The following CUBN variants were observed in gnomAD, a reference collection of about 807,000 sequenced individuals.
The protein encoded by CUBN is cubilin.
Under a neutral mutation model 405.3 loss-of-function variants are expected in CUBN, and 282 were observed. The observed-to-expected ratio is 0.70, with a 90% CI of 0.63 to 0.77. CUBN has a LOEUF of 0.77. CUBN is among the 30% of genes least tolerant of loss of function. The pLI is 0.00. For synonymous variants in CUBN, 1,684 were observed against 1,617.0 expected, an observed-to-expected ratio of 1.04 and a Z score of -0.99; for missense variants, 4,514 against 4,475.2, an observed-to-expected ratio of 1.01 and a Z score of -0.25.
At chr10:17,062,827 C>T (rs147297561) in intron 22 of CUBN, among the ~76,000 whole-genome samples, 1 of 152,302 alleles carries the variant, frequency 6.6e-6, no homozygotes, top group Non-Finnish European at 1.5e-5. Flanking sequence ...CAACCAAATA[C>T]CAACATTACT....
chr10:16,937,599 A>G lies in CUBN; in HGVS notation c.5919T>C (p.Ile1973=). ...ATTTATTACCAAACACACCTGGAGC[A>G]ATGGTAGGTAAAACACCATCAGGTG... ...VDAPDGVLPT[I]APGACGGFLR... is the part of the protein sequence containing the mutation. Residue 1973 remains isoleucine, a synonymous_variant, in exon 39 of 67, where the codon ATT becomes ATC. Coordinates refer to ENST00000377833, the MANE Select transcript of CUBN (RefSeq NM_001081.4). 6.2e-7 allele frequency: 1 copy of G among 1,613,792 alleles called. No homozygotes were observed. Among genetic ancestry groups the G allele is most frequent in the Admixed American group, 1.7e-5 (1 of 60,016 alleles).
At chr10:16,988,083 G>C (rs925049245) in intron 29 of CUBN, among the ~76,000 whole-genome samples, 1 of 152,160 alleles carries the variant, frequency 6.6e-6, no homozygotes, top group African/African-American at 2.4e-5. Flanking sequence ...TGAGGCCCCA[G>C]GCCTGCTTGT....
chr10:17,074,689 T>C (rs1835814607), intron 17 of CUBN, among the ~76,000 whole-genome samples: 1 of 152,226 alleles, frequency 6.6e-6, no homozygotes, highest in Non-Finnish European at 1.5e-5. Context: ...TACTGTCATA[T>C]TCATAGCAAT....
In CUBN at chr10:17,084,253, T is replaced by A. The variant is rs202001092; in HGVS notation, c.2301+18A>T. 6.8e-6 allele frequency: 11 copies of A among 1,612,446 alleles called. No homozygotes were observed. The highest frequency in any genetic ancestry group is 1.8e-4 in the Middle Eastern group (1 of 5,664). ...GTTGATGAATGTCATCTAAGGGCGA[T>A]TGAGTAGTGAAAGTTACCTCAATGT... is the stretch of plus-strand genomic sequence containing the variant. On this transcript the variant is annotated intron_variant, in intron 17 of 66. Transcript: ENST00000377833.
Position 16,987,703 on chromosome 10 carries a change from T to G in CUBN, c.4350+2631A>C, listed in dbSNP as rs151246302. Among the ~76,000 whole-genome samples, 20 of 152,306 alleles carry G rather than the reference T, an allele frequency of 1.3e-4. No individual in the cohort carries two copies. The East Asian group carries it at 1.3e-3, about 10-fold the overall frequency. ...CATGCCCATCATGGGTAACAAACTT[T>G]TAAACCCACTACTAACATGTTATCA... On this transcript the variant is annotated intron_variant, in intron 29 of 66. Transcript: ENST00000377833.
At chr10:16,856,237 A>G (rs759280338) in intron 59 of CUBN, among the ~76,000 whole-genome samples, 1 of 152,084 alleles carries the variant, frequency 6.6e-6, no homozygotes, top group Non-Finnish European at 1.5e-5. Flanking sequence ...TTTTGGGGCC[A>G]CCTAGACAGC....
At chr10:16,904,216 C>T in intron 50 of CUBN, 101 bp from the exon 51 acceptor site, 1 of 1,103,740 alleles carries the variant, frequency 9.1e-7, no homozygotes, top group Non-Finnish European at 1.4e-6. Context: ...CATTGACACA[C>T]ACTTAAATTC....
chr10:16,989,230 C>T (rs1042317943), intron 29 of CUBN, among the ~76,000 whole-genome samples: 5 of 151,832 alleles, frequency 3.3e-5, no homozygotes, highest in Admixed American at 6.6e-5. Context: ...TTAAAGTTTG[C>T]AGACAGGTCA....
At position 16,841,095 on chromosome 10, in the gene CUBN, G is replaced by T. The variant is rs780748417; in HGVS notation, c.9664-48C>A. 3.2e-6 allele frequency: 5 copies of T among 1,582,408 alleles called. No homozygotes were observed. In the Admixed American group the frequency reaches 5.0e-5, roughly 16 times the overall value. ...ACTTCTCCATTACTTACAAAAAATT[G>T]CATATTTCACACTAAATTGGACGCG... is the stretch of plus-strand genomic sequence containing the variant. On this transcript the variant is annotated intron_variant, in intron 60 of 66. Coordinates refer to ENST00000377833, the MANE Select transcript of CUBN (RefSeq NM_001081.4).
Position 16,925,781 on chromosome 10 carries a change from A to G in CUBN, c.6272-7T>C, listed in dbSNP as rs1333033381. ...TGCAAATATCCACCGCAGCCTTCCC[A>G]CAAAGAAACAAAGGTCGGTTATTTA... On this transcript the variant is annotated splice_polypyrimidine_tract_variant and splice_region_variant and intron_variant, in intron 41 of 66. Transcript: ENST00000377833. 6.2e-7 allele frequency: 1 copy of G among 1,613,358 alleles called. No individual in the cohort carries two copies.
At chr10:17,076,620 C>G (rs999124088) in intron 17 of CUBN, among the ~76,000 whole-genome samples, 2 of 152,136 alleles carry the variant, frequency 1.3e-5, no homozygotes, top group Non-Finnish European at 2.9e-5. Flanking sequence ...TGCAATACTG[C>G]CATACGGAGA....
intron 27 of CUBN, among the ~76,000 whole-genome samples, chr10:17,032,384 G>A (rs559412092): frequency 6.6e-6 from 1 of 152,306 alleles, no homozygotes; most frequent in East Asian, 1.9e-4. Flanking sequence ...TTGGAGCCAG[G>A]TGGACTCCAG....
At chr10:16,910,834 A>G (rs1841708785) in intron 48 of CUBN, among the ~76,000 whole-genome samples, 1 of 152,034 alleles carries the variant, frequency 6.6e-6, no homozygotes, top group South Asian at 2.1e-4. Context: ...GGTAAAATAA[A>G]GATAATTTCA....
chr10:17,093,134 T>C (rs1003544440), intron 14 of CUBN, among the ~76,000 whole-genome samples: 9 of 152,118 alleles, frequency 5.9e-5, no homozygotes, highest in African/African-American at 2.2e-4. Context: ...GATTTAGGGC[T>C]ACCAAAGCAT....
At chr10:17,068,793 C>A in intron 19 of CUBN, 23 bp from the exon 20 acceptor site, 1 of 1,579,634 alleles carries the variant, frequency 6.3e-7, no homozygotes, top group South Asian at 1.1e-5. Flanking sequence ...AAGATATGTT[C>A]AAATATGTTG....
In CUBN at chr10:16,940,111, G is replaced by A. The variant is rs754694753; in HGVS notation, c.5469C>T (p.Ile1823=). The change falls in exon 37 of 67, where the codon ATC becomes ATT. Residue 1823 remains isoleucine, a synonymous_variant. Transcript: ENST00000377833. ...GNSFPLNYSS[I]VGHTLWVRFI... is the part of the protein sequence containing the mutation. ...ATCTGACCCACAGGGTATGTCCAAC[G>A]ATGGAAGAATAATTGAGAGGGAAGG... The A allele has an allele frequency of 2.4e-5, 38 of 1,614,016 alleles. 1 individual carries two copies. Among genetic ancestry groups the A allele is most frequent in the South Asian group, 3.3e-5 (3 of 91,082 alleles).
Position 17,030,760 on chromosome 10 carries a change from A to G in CUBN, c.4017+10273T>C, listed in dbSNP as rs1027984356. 2.6e-5 allele frequency among the ~76,000 whole-genome samples: 4 copies of G among 152,014 alleles called. No individual in the cohort carries two copies. The East Asian group carries it at 5.8e-4, about 22-fold the overall frequency. On this transcript the variant is annotated intron_variant, in intron 27 of 66. Coordinates refer to ENST00000377833, the MANE Select transcript of CUBN (RefSeq NM_001081.4). ...ATGGTGAAACCCCATTTCTACTAAA[A>G]ATACAAAAATTAGCCAGGTGTGGTG...
chr10:16,889,349 AT>A (rs1840922746), intron 55 of CUBN, among the ~76,000 whole-genome samples: 1 of 152,158 alleles, frequency 6.6e-6, no homozygotes, highest in Non-Finnish European at 1.5e-5. Context: ...TGTCTACTGT[AT>A]TACTTCCTCT....
intron 28 of CUBN, among the ~76,000 whole-genome samples, chr10:17,015,417 C>G (rs1351476747): frequency 6.6e-6 from 1 of 152,184 alleles, no homozygotes; most frequent in Non-Finnish European, 1.5e-5. Flanking sequence ...TCAGGCATAA[C>G]AAGAAGGCAT....
Sources: gnomAD v4.1 joint callset for allele counts (sites outside exome capture counted in the v4.1 genomes callset) on GRCh38, gnomAD v4.1.1 for gene constraint, MANE v1.5 for transcripts, NCBI Gene and HGNC (gene_info 2026-07-23, HGNC 2026-07-21) for gene names.